ZMYND11: variants seen among roughly 807,000 people sequenced by gnomAD.
ZMYND11 encodes the protein zinc finger MYND domain-containing protein 11.
In ZMYND11, 9 loss-of-function variants were observed where a neutral mutation model predicts 84.9. The observed-to-expected ratio is 0.11, with a 90% CI of 0.06 to 0.18. The LOEUF is 0.18. ZMYND11 is among the 10% of genes least tolerant of loss of function. ZMYND11 has a pLI of 1.00. For missense variants in ZMYND11, 409 were observed against 761.0 expected, an observed-to-expected ratio of 0.54 and a Z score of 5.44; for synonymous variants, 250 against 244.1, an observed-to-expected ratio of 1.02 and a Z score of -0.23.
intron 1 of ZMYND11, among the ~76,000 whole-genome samples, chr10:136,264 T>G (rs1443132590): frequency 6.6e-6 from 1 of 152,104 alleles, no homozygotes; most frequent in Non-Finnish European, 1.5e-5. Flanking sequence ...ACCCGGACTT[T>G]CACTTGCAGT....
intron 1 of ZMYND11, among the ~76,000 whole-genome samples, chr10:147,090 A>G (rs1554755567): frequency 6.6e-6 from 1 of 152,256 alleles, no homozygotes; most frequent in African/African-American, 2.4e-5. Flanking sequence ...CAATTTGTGT[A>G]CATTGATTCT....
At chr10:175,305 A>T (rs1554766690) in intron 1 of ZMYND11, among the ~76,000 whole-genome samples, 1 of 152,194 alleles carries the variant, frequency 6.6e-6, no homozygotes, top group Non-Finnish European at 1.5e-5. Flanking sequence ...ATTTTAAAAA[A>T]GTAATTCTCC....
At chr10:145,166 AT>A (rs1564259938) in intron 1 of ZMYND11, among the ~76,000 whole-genome samples, 6 of 150,790 alleles carry the variant, frequency 4.0e-5, no homozygotes, top group Non-Finnish European at 5.9e-5. Flanking sequence ...ATGTGTGTGT[AT>A]ATATATGTGT....
At chr10:183,687 C>T (rs1431785885) in intron 2 of ZMYND11, among the ~76,000 whole-genome samples, 1 of 152,096 alleles carries the variant, frequency 6.6e-6, no homozygotes, top group Non-Finnish European at 1.5e-5. Flanking sequence ...TAATGGTAAC[C>T]AATTAGATTT....
At chr10:134,603 C>T (rs919268783), upstream of ZMYND11, 2 of 152,232 alleles carry the variant, frequency 1.3e-5, no homozygotes, top group Non-Finnish European at 2.9e-5. Context: ...GAGTAAAGGG[C>T]TGTTCAGACT....
intron 4 of ZMYND11, 78 bp from the exon 5 acceptor site, chr10:236,760 C>A: frequency 8.1e-7 from 1 of 1,237,908 alleles, no homozygotes; most frequent in Non-Finnish European, 1.1e-6. Context: ...CTAAGTGTTT[C>A]ATATATGTCT....
In ZMYND11 at chr10:224,532, G is replaced by T. The variant is rs75447058; in HGVS notation, c.438+3176G>T. Among the ~76,000 whole-genome samples, 222 of 152,232 alleles carry T rather than the reference G, an allele frequency of 1.5e-3. 5 individuals carry two copies. In the East Asian group the frequency reaches 0.037, roughly 26 times the overall value. On this transcript the variant is annotated intron_variant, in intron 4 of 14. Coordinates refer to ENST00000381604, the MANE Select transcript of ZMYND11 (RefSeq NM_001370100.5). Reference sequence around the variant, plus strand: ...CTCTCTCATTAAATTTTAGAAAAGAGATTTTAAAATTTGCTATAAAAAATT... The same window carrying T: ...CTCTCTCATTAAATTTTAGAAAAGATATTTTAAAATTTGCTATAAAAAATT...
At chr10:170,325 G>A (rs1167802241) in intron 1 of ZMYND11, among the ~76,000 whole-genome samples, 2 of 151,950 alleles carry the variant, frequency 1.3e-5, no homozygotes, top group Non-Finnish European at 2.9e-5. Flanking sequence ...AAGAAAGGAA[G>A]GCCATTCAAG....
chr10:252,937 A>G lies in ZMYND11; in HGVS notation c.*467A>G, dbSNP rs1157311193. 6.4e-6 allele frequency: 1 copy of G among 156,310 alleles called. No homozygotes were observed. The allele number at this position is 156,310 out of a possible 1,614,324, so 9.7% of individuals were successfully genotyped here. On this transcript the variant is annotated 3_prime_UTR_variant, in exon 15 of 15. Coordinates refer to ENST00000381604, the MANE Select transcript of ZMYND11 (RefSeq NM_001370100.5). This position sits in a 1 kb window ranked among gnomAD's most constrained non-coding sequence, Gnocchi z 4.6. ...GAGCTGGTTTTGTTCAGCTTAATTT[A>G]CTGTTCAAAGGCATTATCTGTTGGT...
chr10:234,608 A>G (rs977396302), intron 4 of ZMYND11, among the ~76,000 whole-genome samples: 1 of 152,162 alleles, frequency 6.6e-6, no homozygotes, highest in African/African-American at 2.4e-5. Context: ...TTTTAATGAC[A>G]TTGATATTTG....
At chr10:184,131 C>T (rs1176085285) in intron 2 of ZMYND11, among the ~76,000 whole-genome samples, 2 of 152,126 alleles carry the variant, frequency 1.3e-5, no homozygotes, top group East Asian at 3.9e-4. Flanking sequence ...AAATCTTTAT[C>T]TACTTTCTGA....
intron 10 of ZMYND11, among the ~76,000 whole-genome samples, chr10:245,200 A>G (rs927635678): frequency 2.6e-5 from 4 of 152,252 alleles, no homozygotes; most frequent in Non-Finnish European, 4.4e-5. Context: ...CAGATGAGAC[A>G]TAGTTGATAT....
At chr10:162,439 AT>A (rs782016085) in intron 1 of ZMYND11, among the ~76,000 whole-genome samples, 385 of 146,412 alleles carry the variant, frequency 2.6e-3, no homozygotes, top group Middle Eastern at 7.0e-3. Flanking sequence ...GCCACATCAG[AT>A]TTTTTTTTTT....
At chr10:146,449 G>A (rs1397380279) in intron 1 of ZMYND11, among the ~76,000 whole-genome samples, 3 of 152,194 alleles carry the variant, frequency 2.0e-5, no homozygotes, top group Non-Finnish European at 2.9e-5. Flanking sequence ...TCTATAGAGT[G>A]TTTTGGGCAG....
At chr10:130,316 A>C (rs781818349), upstream of ZMYND11, among the ~76,000 whole-genome samples, 9 of 152,082 alleles carry the variant, frequency 5.9e-5, no homozygotes, top group Non-Finnish European at 1.2e-4. Flanking sequence ...GGAACTGGAG[A>C]TGCACCTGCA....
Position 248,949 on chromosome 10 carries a change from C to T in ZMYND11, c.1547C>T (p.Ala516Val). 1 of 1,614,084 alleles carries T rather than the reference C, an allele frequency of 6.2e-7. No individual in the cohort carries two copies. The highest frequency in any genetic ancestry group is 1.1e-5 in the South Asian group (1 of 91,058). The change falls in exon 14 of 15, where the codon GCT becomes GTT. Residue 516 changes from alanine (A) to valine (V), a missense_variant. Physicochemically the swap from Ala to Val is moderately conservative, Grantham distance 64. Around this residue, in one of 7 missense-constraint regions of ZMYND11, gnomAD observed 141 missense variants for 173.8 expected, o/e 0.81. Coordinates refer to ENST00000381604, the MANE Select transcript of ZMYND11 (RefSeq NM_001370100.5). ...GAAAAGAGACAAGCTGTAAATAAAG[C>T]TGTAGCCAACATGCAGGGTGAGATG... ...EEEKRQAVNK[A>V]VANMQGEMDR...
At position 172,444 on chromosome 10, in the gene ZMYND11, T is replaced by C. The variant is rs538058451; in HGVS notation, c.-19-7550T>C. 7.7e-4 allele frequency among the ~76,000 whole-genome samples: 117 copies of C among 152,272 alleles called. 1 individual carries two copies. The highest frequency in any genetic ancestry group is 2.7e-3 in the African/African-American group (111 of 41,560). ...GGTAATATACAAAAATCTATCACTT[T>C]CCTATTTATCAGCAATGAACAAGTG... On this transcript the variant is annotated intron_variant, in intron 1 of 14. Transcript: ENST00000381604.
chr10:239,400 G>GTAAC, intron 6 of ZMYND11, 38 bp from the exon 7 acceptor site: 1 of 1,554,200 alleles, frequency 6.4e-7, no homozygotes, highest in Non-Finnish European at 8.8e-7. Flanking sequence ...ATTTTTACTG[G>GTAAC]TAACTCTTTT....
intron 2 of ZMYND11, among the ~76,000 whole-genome samples, chr10:202,610 G>C (rs577385981): frequency 6.6e-6 from 1 of 152,028 alleles, no homozygotes. Flanking sequence ...TTAGTTTTGC[G>C]TTGTTGTCAT....
Sources: allele counts gnomAD v4.1 joint callset (sites outside exome capture counted in the v4.1 genomes callset), GRCh38; gene constraint gnomAD v4.1.1; regional missense constraint gnomAD v4.1.1; non-coding constraint Gnocchi (gnomAD v3.1); transcripts MANE v1.5; gene names NCBI Gene and HGNC (gene_info 2026-07-23, HGNC 2026-07-21).